PARG: variants seen among roughly 807,000 people sequenced by gnomAD.
PARG encodes mitochondrial poly(ADP-ribose) glycohydrolase.
A neutral mutation model predicts 113.0 loss-of-function variants in PARG; 35 were observed. The ratio of observed to expected loss-of-function variants is 0.31; its 90% CI spans 0.24 to 0.41. PARG has a LOEUF of 0.41. Among genes scored for constraint, PARG ranks in the 10% least tolerant of loss-of-function variants. The pLI, the probability that PARG is intolerant of heterozygous loss-of-function variation, is 1.00. For missense variants in PARG, 797 were observed against 1,169.4 expected, an observed-to-expected ratio of 0.68 and a Z score of 4.64; for synonymous variants, 330 against 409.9, an observed-to-expected ratio of 0.81 and a Z score of 2.36.
Position 49,834,211 on chromosome 10 carries a change from A to G in PARG, c.2542-1303T>C, listed in dbSNP as rs544029343. On this transcript the variant is annotated intron_variant, in intron 15 of 17. Coordinates refer to ENST00000616448, the MANE Select transcript of PARG (RefSeq NM_003631.5). The stretch of plus-strand genomic sequence containing the variant: ...CATTTGTTTTGAATAGGCTCTTGAA[A>G]GATAGTCTGTGTCATTAACGAACAA... Among the ~76,000 whole-genome samples, 23 of 152,338 alleles carry G rather than the reference A, an allele frequency of 1.5e-4. No homozygotes were observed. The South Asian group carries it at 4.8e-3, about 32-fold the overall frequency.
intron 10 of PARG, chr10:49,866,991 G>A (rs1846546524): frequency 7.1e-6 from 1 of 140,626 alleles, no homozygotes; most frequent in South Asian, 2.2e-4. Context: ...TGGAATTCTA[G>A]TTTATCAATT....
chr10:49,852,706 G>A (rs1323770023), intron 13 of PARG, among the ~76,000 whole-genome samples: 14 of 150,136 alleles, frequency 9.3e-5, no homozygotes, highest in Non-Finnish European at 1.9e-4. Context: ...CTGGGACTAC[G>A]GGCACACACC....
intron 13 of PARG, among the ~76,000 whole-genome samples, chr10:49,857,009 CAAAAA>C (rs71270682): frequency 9.4e-5 from 7 of 74,626 alleles, no homozygotes; most frequent in Admixed American, 1.6e-4. Context: ...ACCTCTGTCT[CAAAAA>C]AAAAAAAAAA....
At chr10:49,896,799 A>G (rs1254537710) in intron 7 of PARG, among the ~76,000 whole-genome samples, 11 of 152,276 alleles carry the variant, frequency 7.2e-5, no homozygotes, top group African/African-American at 2.4e-4. Context: ...TATCGGAGGT[A>G]TATATATATG....
At chr10:49,829,158 C>T (rs1241695740) in intron 16 of PARG, among the ~76,000 whole-genome samples, 1 of 152,056 alleles carries the variant, frequency 6.6e-6, no homozygotes, top group Non-Finnish European at 1.5e-5. Flanking sequence ...ATTGCTTGAA[C>T]TCAGGAGGTG....
intron 16 of PARG, 95 bp from the exon 17 acceptor site, chr10:49,820,388 G>A (rs1490528095): frequency 7.2e-6 from 6 of 827,684 alleles, no homozygotes; most frequent in Non-Finnish European, 1.1e-5. Flanking sequence ...CTTCATCCTA[G>A]ATTAAAGATT....
At chr10:49,842,242 A>C (rs1845280636) in intron 14 of PARG, among the ~76,000 whole-genome samples, 184 bp from the exon 15 acceptor site, 1 of 152,268 alleles carries the variant, frequency 6.6e-6, no homozygotes, top group Non-Finnish European at 1.5e-5. Context: ...AGGCATATAC[A>C]GTGTGCACTG....
intron 7 of PARG, among the ~76,000 whole-genome samples, chr10:49,891,590 C>CATATATATATATAT (rs1211471476): frequency 1.0e-4 from 5 of 48,618 alleles, no homozygotes; most frequent in Non-Finnish European, 1.3e-4. Flanking sequence ...TCCTATGGTC[C>CATATATATATATAT]ATATATATAT....
At position 49,933,694 on chromosome 10, in the gene PARG, G is replaced by C. The variant is rs1394348099; in HGVS notation, c.754C>G (p.Gln252Glu). 1.4e-5 allele frequency: 22 copies of C among 1,611,222 alleles called. No homozygotes were observed. Among genetic ancestry groups the C allele is most frequent in the Non-Finnish European group, 1.6e-5 (19 of 1,177,470 alleles). ...DPGEDCASCQ[Q>E]DEIDVVPESP... ...TCTGGCACCACATCTATCTCATCTTGCTGACAACTTGCACAGTCTTCCCCA... is the reference window on the plus strand; with the variant it reads ...TCTGGCACCACATCTATCTCATCTTCCTGACAACTTGCACAGTCTTCCCCA... Residue 252 changes from glutamine to glutamate, a missense_variant, in exon 3 of 18, where the codon CAA becomes GAA. Gln to Glu is a conservative substitution (Grantham distance 29). This residue lies in a region of PARG where 284 missense variants were observed against 306.1 expected (regional missense o/e 0.93). Coordinates refer to ENST00000616448, the MANE Select transcript of PARG (RefSeq NM_003631.5).
At chr10:49,835,118 T>C (rs1392152817) in intron 15 of PARG, among the ~76,000 whole-genome samples, 2 of 152,140 alleles carry the variant, frequency 1.3e-5, no homozygotes, top group Non-Finnish European at 2.9e-5. Context: ...TGAGTAGGAA[T>C]TGAACTCCCT....
chr10:49,929,494 A>C (rs1838380158), intron 4 of PARG, among the ~76,000 whole-genome samples: 1 of 152,284 alleles, frequency 6.6e-6, no homozygotes, highest in Non-Finnish European at 1.5e-5. Context: ...AAGAAATTTG[A>C]CATAAAGTCA....
rs1554849577 is a variant in PARG at position 49,922,532 on chromosome 10, C to T, written c.1578+15G>A. The T allele has an allele frequency of 6.2e-7, 1 of 1,610,444 alleles. No homozygotes were observed. Among genetic ancestry groups the T allele is most frequent in the Non-Finnish European group, 8.5e-7 (1 of 1,179,324 alleles). On this transcript the variant is annotated intron_variant, in intron 5 of 17. Transcript: ENST00000616448. The stretch of plus-strand genomic sequence containing the variant: ...CATTTTTCAGAGACTAAAAGAATCT[C>T]GGTTTTGTTCTTACCTCATCTTCCA...
chr10:49,911,784 T>C (rs1837200382), intron 7 of PARG, among the ~76,000 whole-genome samples: 1 of 152,170 alleles, frequency 6.6e-6, no homozygotes, highest in South Asian at 2.1e-4. Context: ...TACCATGGAT[T>C]CACAATGACT....
Position 49,910,240 on chromosome 10 carries a change from T to C in PARG, c.1737+5677A>G, listed in dbSNP as rs370059085. The stretch of plus-strand genomic sequence containing the variant: ...CATAGGACAAGAGATGATAGGAGAA[T>C]GCGTAGTCGATATTTTAATAACTAC... On this transcript the variant is annotated intron_variant, in intron 7 of 17. Coordinates refer to ENST00000616448, the MANE Select transcript of PARG (RefSeq NM_003631.5). Among the ~76,000 whole-genome samples, 3 of 152,080 alleles carry C rather than the reference T, an allele frequency of 2.0e-5. No homozygotes were observed. The South Asian group carries it at 6.2e-4, about 32-fold the overall frequency.
intron 7 of PARG, among the ~76,000 whole-genome samples, chr10:49,896,852 T>G (rs1173833192): frequency 6.6e-5 from 10 of 152,334 alleles, no homozygotes; most frequent in African/African-American, 2.4e-4. Flanking sequence ...TCCTCTCTTA[T>G]TTGAGTTTCT....
chr10:49,839,670 T>A (rs1311338120), intron 15 of PARG, among the ~76,000 whole-genome samples: 1 of 152,212 alleles, frequency 6.6e-6, no homozygotes, highest in Non-Finnish European at 1.5e-5. Flanking sequence ...CTGGCAATTT[T>A]AAAAAAGACT....
intron 10 of PARG, among the ~76,000 whole-genome samples, chr10:49,866,101 G>T (rs2132562268): frequency 6.6e-6 from 1 of 150,902 alleles, no homozygotes; most frequent in South Asian, 2.1e-4. Context: ...AATAATTTTA[G>T]AGGATGAGAT....
chr10:49,844,973 C>T (rs1845436516), intron 13 of PARG, among the ~76,000 whole-genome samples: 1 of 152,110 alleles, frequency 6.6e-6, no homozygotes, highest in African/African-American at 2.4e-5. Context: ...GGAAGATATA[C>T]AACTGGCTAA....
intron 17 of PARG, 37 bp from the exon 18 acceptor site, chr10:49,819,531 G>A (rs762787440): frequency 6.9e-5 from 104 of 1,496,614 alleles, no homozygotes; most frequent in Non-Finnish European, 8.9e-5. Flanking sequence ...GCACATTAAA[G>A]TATGTAATTG....
Sources: allele counts gnomAD v4.1 joint callset (sites outside exome capture counted in the v4.1 genomes callset), GRCh38; gene constraint gnomAD v4.1.1; regional missense constraint gnomAD v4.1.1; transcripts MANE v1.5; gene names NCBI Gene and HGNC (gene_info 2026-07-23, HGNC 2026-07-21).